Variants in CNR2 observed in about 807,000 individuals in gnomAD.
CNR2 encodes the protein cannabinoid receptor 2.
For missense variants in CNR2, 379 were observed against 439.9 expected, an observed-to-expected ratio of 0.86 and a Z score of 1.24; for synonymous variants, 172 against 182.2, an observed-to-expected ratio of 0.94 and a Z score of 0.45.
At chr1:23,876,715 G>A (rs145180569) in intron 1 of CNR2, among the ~76,000 whole-genome samples, 1,598 of 151,874 alleles carry the variant, frequency 0.011, 25 homozygotes, top group African/African-American at 0.036. Context: ...CGTGCCTGTA[G>A]TCCCAGCTAC....
intron 1 of CNR2, among the ~76,000 whole-genome samples, chr1:23,880,895 T>A (rs1450278164): frequency 2.0e-5 from 3 of 149,304 alleles, no homozygotes; most frequent in Non-Finnish European, 4.4e-5. Context: ...ATATTACATA[T>A]AATTTAAATA....
chr1:23,892,286 T>G (rs563999673), intron 1 of CNR2, among the ~76,000 whole-genome samples: 4 of 152,228 alleles, frequency 2.6e-5, no homozygotes, highest in African/African-American at 9.6e-5. Context: ...ACTTAAAATC[T>G]CTCTAGTGAT....
intron 1 of CNR2, among the ~76,000 whole-genome samples, chr1:23,904,285 G>C (rs974057636): frequency 6.7e-6 from 1 of 150,256 alleles, no homozygotes; most frequent in South Asian, 2.1e-4. Context: ...TGATTCTTCC[G>C]GCTCAGCCTC....
In CNR2 at chr1:23,875,266, T is replaced by C. The variant is rs1315215453; in HGVS notation, c.352A>G (p.Thr118Ala). ...AGCAGGAGGCTACCCACAGAGGCTG[T>C]GAAGGTCATAGTCACGCTGCCAATC... is the stretch of plus-strand genomic sequence containing the variant. Reference protein sequence around the residue: ...LKIGSVTMTFTASVGSLLLTA... With the variant: ...LKIGSVTMTFAASVGSLLLTA... Residue 118 changes from threonine (T) to alanine (A), a missense_variant, in exon 2 of 2, where the codon ACA becomes GCA. Thr to Ala is a moderately conservative substitution (Grantham distance 58). Coordinates refer to ENST00000374472, the MANE Select transcript of CNR2 (RefSeq NM_001841.3). 1 of 1,614,140 alleles carries C rather than the reference T, an allele frequency of 6.2e-7. No homozygotes were observed. The highest frequency in any genetic ancestry group is 8.5e-7 in the Non-Finnish European group (1 of 1,180,010).
At chr1:23,901,987 C>A (rs1640407706) in intron 1 of CNR2, 1 of 1,605,524 alleles carries the variant, frequency 6.2e-7, no homozygotes. Flanking sequence ...TGGCCGTGTA[C>A]CACAGGAAGA....
intron 1 of CNR2, among the ~76,000 whole-genome samples, chr1:23,881,562 C>T (rs543931958): frequency 1.5e-4 from 22 of 150,224 alleles, no homozygotes; most frequent in Middle Eastern, 3.5e-3. Flanking sequence ...CCAGCCTGGG[C>T]AACAGAGTGA....
At chr1:23,902,492 C>CTCA in intron 1 of CNR2, 1 of 1,606,398 alleles carries the variant, frequency 6.2e-7, no homozygotes, top group Admixed American at 1.7e-5. Flanking sequence ...CCAGATCGAT[C>CTCA]TCATCACTGT....
intron 1 of CNR2, chr1:23,902,499 C>T (rs1174889129): frequency 1.2e-5 from 19 of 1,607,156 alleles, no homozygotes; most frequent in Non-Finnish European, 1.5e-5. Context: ...GATCTCATCA[C>T]TGTACACGTA....
chr1:23,884,149 G>A (rs1423406789), intron 1 of CNR2, among the ~76,000 whole-genome samples: 5 of 151,052 alleles, frequency 3.3e-5, no homozygotes, highest in Middle Eastern at 3.4e-3. Context: ...GCACAATCTC[G>A]GCTCACTGCA....
At chr1:23,885,921 G>T (rs1051725359) in intron 1 of CNR2, among the ~76,000 whole-genome samples, 28 of 149,702 alleles carry the variant, frequency 1.9e-4, no homozygotes, top group African/African-American at 6.4e-4. Context: ...CAGGCACGGT[G>T]GCTCACACCT....
chr1:23,889,253 G>A (rs1640145336), intron 1 of CNR2, among the ~76,000 whole-genome samples: 2 of 152,068 alleles, frequency 1.3e-5, no homozygotes, highest in South Asian at 2.1e-4. Context: ...CCACAGTAGC[G>A]GCTGGTCCCA....
Position 23,904,178 on chromosome 1 carries a change from G to GT in CNR2, c.-46+9067dup, listed in dbSNP as rs941406053. Among the ~76,000 whole-genome samples the GT allele has an allele frequency of 9.4e-3, 1,245 of 132,514 alleles. 14 individuals are homozygous for GT. The highest frequency in any genetic ancestry group is 0.066 in the East Asian group (302 of 4,598). 86.9% of individuals were successfully genotyped at this position (132,514 alleles called of 152,430 possible). A position where few individuals can be genotyped will look rare whatever the true frequency, so the allele number is the denominator to read the frequency against. ...CTCTGGTTTTTTTGTTCGTTTCATT[G>GT]TTTTTTTTTTTTTTTTTGGAGTCTC... On this transcript the variant is annotated intron_variant, in intron 1 of 1. Coordinates refer to ENST00000374472, the MANE Select transcript of CNR2 (RefSeq NM_001841.3).
At chr1:23,877,044 A>G (rs6673210) in intron 1 of CNR2, among the ~76,000 whole-genome samples, 96,176 of 151,914 alleles carry the variant, frequency 0.63, 30,848 homozygotes, top group African/African-American at 0.75. Flanking sequence ...GTGAAATTTG[A>G]GTTCACAATG....
At chr1:23,908,823 G>C (rs1640540136) in intron 1 of CNR2, among the ~76,000 whole-genome samples, 1 of 152,190 alleles carries the variant, frequency 6.6e-6, no homozygotes, top group Admixed American at 6.5e-5. Context: ...CGAACTCAAT[G>C]AATTTGGGCT....
Position 23,874,336 on chromosome 1 carries a change from C to T in CNR2, c.*199G>A. 3.3e-6 allele frequency: 2 copies of T among 597,596 alleles called. No individual in the cohort carries two copies. Among genetic ancestry groups the T allele is most frequent in the Non-Finnish European group, 5.9e-6 (2 of 341,814 alleles). 37.0% of individuals were successfully genotyped at this position (597,596 alleles called of 1,614,324 possible). ...ACCTGGCTACTCCTCGTGGCCCTACCTATCCAACAGACTGTGTGCAGGTGG... is the reference window on the plus strand; with the variant it reads ...ACCTGGCTACTCCTCGTGGCCCTACTTATCCAACAGACTGTGTGCAGGTGG... On this transcript the variant is annotated 3_prime_UTR_variant, in exon 2 of 2. Transcript: ENST00000374472.
At chr1:23,908,268 C>T (rs149543991) in intron 1 of CNR2, among the ~76,000 whole-genome samples, 13 of 152,168 alleles carry the variant, frequency 8.5e-5, no homozygotes, top group African/African-American at 2.4e-4. Flanking sequence ...CATGAGCCAC[C>T]GTGCCTGGCC....
intron 1 of CNR2, among the ~76,000 whole-genome samples, chr1:23,910,386 T>A (rs927316482): frequency 2.6e-5 from 4 of 151,176 alleles, no homozygotes; most frequent in African/African-American, 9.7e-5. Context: ...CTCAAATGTG[T>A]AGTAAATGCT....
At chr1:23,891,931 G>A (rs1345875861) in intron 1 of CNR2, among the ~76,000 whole-genome samples, 1 of 152,166 alleles carries the variant, frequency 6.6e-6, no homozygotes, top group African/African-American at 2.4e-5. Context: ...AGCAGCCAGA[G>A]CTGAGCAAAA....
At position 23,904,961 on chromosome 1, in the gene CNR2, A is replaced by G. The variant is rs139820871; in HGVS notation, c.-46+8285T>C. 3.5e-3 allele frequency among the ~76,000 whole-genome samples: 540 copies of G among 152,192 alleles called. 6 individuals are homozygous for G. Among genetic ancestry groups the G allele is most frequent in the African/African-American group, 0.013 (521 of 41,538 alleles). The stretch of plus-strand genomic sequence containing the variant: ...AAAGGGTAGAGCCCCTACCCCAGCC[A>G]TGATTCTGGTTTGCTTATAGGGTTG... On this transcript the variant is annotated intron_variant, in intron 1 of 1. Transcript: ENST00000374472.
Sources: allele counts gnomAD v4.1 joint callset (sites outside exome capture counted in the v4.1 genomes callset), GRCh38; gene constraint gnomAD v4.1.1; transcripts MANE v1.5; gene names NCBI Gene and HGNC (gene_info 2026-07-23, HGNC 2026-07-21).